NTM: variants seen among roughly 807,000 people sequenced by gnomAD.
NTM encodes the protein IgLON family member 2.
In NTM, 13 loss-of-function variants were observed where a neutral mutation model predicts 42.1. The ratio of observed to expected loss-of-function variants is 0.31; its 90% confidence interval spans 0.20 to 0.49. The LOEUF is 0.49. NTM is among the 20% of genes least tolerant of loss of function. The pLI, the probability that NTM is intolerant of heterozygous loss-of-function variation, is 0.99. For missense variants in NTM, 373 were observed against 452.8 expected, an observed-to-expected ratio of 0.82 and a Z score of 1.60; for synonymous variants, 187 against 179.2, an observed-to-expected ratio of 1.04 and a Z score of -0.35.
At chr11:131,908,755 GGT>G in intron 1 of NTM, among the ~76,000 whole-genome samples, 1 of 152,188 alleles carries the variant, frequency 6.6e-6, no homozygotes, top group Non-Finnish European at 1.5e-5. Flanking sequence ...ATCTTAACGT[GGT>G]GAAGTTTTTC....
intron 5 of NTM, among the ~76,000 whole-genome samples, chr11:132,308,587 C>T (rs544786744): frequency 3.3e-5 from 5 of 152,088 alleles, no homozygotes; most frequent in South Asian, 2.1e-4. Flanking sequence ...GGAAGACTTA[C>T]GAAGCAATAG....
intron 1 of NTM, chr11:131,662,086 T>C (rs1247598866): frequency 6.6e-6 from 1 of 152,232 alleles, no homozygotes; most frequent in Non-Finnish European, 1.5e-5. Flanking sequence ...GAGAGAAATC[T>C]ATAGGCTTCG....
chr11:131,572,738 G>C (rs1212262204), intron 1 of NTM, among the ~76,000 whole-genome samples: 3 of 152,168 alleles, frequency 2.0e-5, no homozygotes, highest in Non-Finnish European at 4.4e-5. Context: ...TTAAGGTGTG[G>C]CGTGATTTGC....
chr11:131,902,716 C>A (rs1473033938), intron 1 of NTM, among the ~76,000 whole-genome samples: 1 of 152,164 alleles, frequency 6.6e-6, no homozygotes, highest in Non-Finnish European at 1.5e-5. Context: ...AACATCACAG[C>A]AGTTCATCCA....
At chr11:131,635,021 C>T (rs1325396735) in intron 1 of NTM, among the ~76,000 whole-genome samples, 4 of 152,134 alleles carry the variant, frequency 2.6e-5, no homozygotes, top group African/African-American at 2.4e-5. Flanking sequence ...AACAACAAGC[C>T]GCATATTCCA....
At chr11:131,577,617 C>T (rs1019849578) in intron 1 of NTM, among the ~76,000 whole-genome samples, 6 of 152,196 alleles carry the variant, frequency 3.9e-5, no homozygotes, top group South Asian at 2.1e-4. Context: ...TTTCTTGGAA[C>T]GAAAGTGGCT....
At chr11:131,656,241 G>A (rs540698485) in intron 1 of NTM, among the ~76,000 whole-genome samples, 3 of 152,332 alleles carry the variant, frequency 2.0e-5, no homozygotes, top group East Asian at 1.9e-4. Context: ...TAAGAGATTC[G>A]TCTCCATACC....
At chr11:131,762,081 G>T (rs1275653804) in intron 1 of NTM, among the ~76,000 whole-genome samples, 1 of 152,128 alleles carries the variant, frequency 6.6e-6, no homozygotes, top group Non-Finnish European at 1.5e-5. Flanking sequence ...CCTGTGGTTG[G>T]CTATTGTGTT....
intron 1 of NTM, chr11:131,455,324 C>T (rs1360648480): frequency 6.6e-6 from 1 of 152,256 alleles, no homozygotes; most frequent in Admixed American, 6.5e-5. Context: ...CTGTGCAGCT[C>T]TCTGAAGGCT....
Position 131,388,424 on chromosome 11 carries a change from G to GTTT in NTM, c.82+17552_82+17554dup, listed in dbSNP as rs374892633. 3.8e-3 allele frequency among the ~76,000 whole-genome samples: 423 copies of GTTT among 110,258 alleles called. 2 individuals carry two copies. Among genetic ancestry groups the GTTT allele is most frequent in the African/African-American group, 0.012 (372 of 30,912 alleles). 72.3% of individuals were successfully genotyped at this position (110,258 alleles called of 152,430 possible). On this transcript the variant is annotated intron_variant, in intron 1 of 8. Transcript: ENST00000683400. ...ATACTAAAAGACATTTGGGTTTTGG[G>GTTT]TTTTTTTTTTTTTTTTTTGCAATTC... is the stretch of plus-strand genomic sequence containing the variant.
chr11:131,857,765 T>C (rs1483584052), intron 1 of NTM, among the ~76,000 whole-genome samples: 1 of 152,324 alleles, frequency 6.6e-6, no homozygotes, highest in East Asian at 1.9e-4. Context: ...GTTTAGTCTA[T>C]GTTATTGTCT....
chr11:131,832,105 A>G (rs1219094304), intron 1 of NTM, among the ~76,000 whole-genome samples: 2 of 151,444 alleles, frequency 1.3e-5, no homozygotes, highest in Admixed American at 1.3e-4. Context: ...AACCTACTCA[A>G]ACTCCCAAAT....
chr11:131,482,631 G>A (rs763743579), intron 1 of NTM, among the ~76,000 whole-genome samples: 2 of 152,128 alleles, frequency 1.3e-5, no homozygotes, highest in African/African-American at 2.4e-5. Context: ...CAAAGAAACT[G>A]CTATTTTTGT....
intron 2 of NTM, among the ~76,000 whole-genome samples, chr11:131,999,884 G>A (rs1347703598): frequency 6.6e-6 from 1 of 152,104 alleles, no homozygotes; most frequent in Non-Finnish European, 1.5e-5. Context: ...ATACATCTCT[G>A]GCTATATTTC....
intron 1 of NTM, among the ~76,000 whole-genome samples, chr11:131,648,869 G>A (rs200844917): frequency 6.6e-6 from 1 of 152,110 alleles, no homozygotes; most frequent in East Asian, 1.9e-4. Context: ...CCTTTTTAAG[G>A]AATATTCAGG....
chr11:131,508,227 C>T (rs1242999835), intron 1 of NTM, among the ~76,000 whole-genome samples: 4 of 145,218 alleles, frequency 2.8e-5, no homozygotes, highest in Non-Finnish European at 6.0e-5. Flanking sequence ...GGGCGAAGGA[C>T]ATGAACAGAC....
chr11:132,271,428 T>C (rs755477636), intron 4 of NTM, among the ~76,000 whole-genome samples: 2 of 152,216 alleles, frequency 1.3e-5, no homozygotes, highest in Non-Finnish European at 2.9e-5. Flanking sequence ...GTGGAATAGC[T>C]GGGTGGTAGG....
intron 1 of NTM, among the ~76,000 whole-genome samples, chr11:131,709,304 A>T (rs2076884384): frequency 1.3e-5 from 2 of 152,174 alleles, no homozygotes; most frequent in Admixed American, 6.5e-5. Context: ...GACACGAAAT[A>T]ACTCATGTTT....
At chr11:132,064,298 AATCT>A (rs1594256963) in intron 2 of NTM, among the ~76,000 whole-genome samples, 4 of 152,228 alleles carry the variant, frequency 2.6e-5, no homozygotes, top group African/African-American at 4.8e-5. Context: ...AAGGAGATCT[AATCT>A]ATCTATCTAC....
Sources: allele counts gnomAD v4.1 joint callset (sites outside exome capture counted in the v4.1 genomes callset), GRCh38; gene constraint gnomAD v4.1.1; transcripts MANE v1.5; gene names NCBI Gene and HGNC (gene_info 2026-07-23, HGNC 2026-07-21).